BTRC: variants seen among roughly 807,000 people sequenced by gnomAD.
BTRC encodes the protein F-box/WD repeat-containing protein 1A.
Under a neutral mutation model 85.5 loss-of-function variants are expected in BTRC, and 42 were observed. The observed-to-expected ratio is 0.49, with a 90% CI of 0.38 to 0.64. The LOEUF (loss-of-function observed/expected upper bound fraction) is 0.64, where lower values mean the gene tolerates loss of function less well. BTRC is among the 30% of genes least tolerant of loss of function. The probability of loss-of-function intolerance (pLI) is 0.00; values close to 1 mark genes in which losing one functional copy is unlikely to be tolerated. For synonymous variants in BTRC, 255 were observed against 263.3 expected (o/e 0.97, Z 0.30); for missense variants, 594 against 743.5 (o/e 0.80, Z 2.34).
chr10:101,537,495 T>A (rs1800571903), intron 12 of BTRC, among the ~76,000 whole-genome samples: 1 of 151,922 alleles, frequency 6.6e-6, no homozygotes. Flanking sequence ...GCCACCACAC[T>A]CCAGCCTGGG....
At chr10:101,508,071 A>G (rs944022605) in intron 4 of BTRC, among the ~76,000 whole-genome samples, 2 of 152,230 alleles carry the variant, frequency 1.3e-5, no homozygotes, top group African/African-American at 2.4e-5. Context: ...TTTGAAACCT[A>G]AAAATGTTAA....
At chr10:101,535,012 T>C in intron 10 of BTRC, 102 bp downstream of exon 10, 1 of 1,356,806 alleles carries the variant, frequency 7.4e-7, no homozygotes, top group Non-Finnish European at 1.0e-6. Flanking sequence ...TACAGAAAAA[T>C]GTAATATTTA....
intron 1 of BTRC, among the ~76,000 whole-genome samples, chr10:101,377,465 G>T (rs1942820177): frequency 6.6e-6 from 1 of 152,184 alleles, no homozygotes; most frequent in South Asian, 2.1e-4. Context: ...CTATTTTCCA[G>T]AGTGATTGTA....
chr10:101,472,045 T>C (rs1321759108), intron 3 of BTRC, among the ~76,000 whole-genome samples: 1 of 152,230 alleles, frequency 6.6e-6, no homozygotes, highest in East Asian at 1.9e-4. Flanking sequence ...CATATTTCCA[T>C]GAATGTATGA....
At chr10:101,551,884 C>T (rs7084859) in intron 14 of BTRC, among the ~76,000 whole-genome samples, 1,961 of 152,224 alleles carry the variant, frequency 0.013, 33 homozygotes, top group African/African-American at 0.041. Context: ...GCACTCACCT[C>T]ACGGAACCCT....
At chr10:101,383,798 TACTG>T (rs1456756088) in intron 1 of BTRC, among the ~76,000 whole-genome samples, 1 of 152,238 alleles carries the variant, frequency 6.6e-6, no homozygotes, top group Non-Finnish European at 1.5e-5. Flanking sequence ...TTGGCTAAAT[TACTG>T]AATAGGATCT....
intron 4 of BTRC, among the ~76,000 whole-genome samples, chr10:101,487,254 T>C (rs1050591892): frequency 2.0e-5 from 3 of 152,242 alleles, no homozygotes; most frequent in Non-Finnish European, 4.4e-5. Flanking sequence ...TCAATGTTTA[T>C]TAAATGTTAC....
chr10:101,522,392 T>C (rs1429646372), intron 5 of BTRC, among the ~76,000 whole-genome samples: 36 of 76,988 alleles, frequency 4.7e-4, no homozygotes, highest in Non-Finnish European at 8.9e-4. Context: ...AAAAAAAAAC[T>C]CTAGAAATAA....
chr10:101,386,784 G>A (rs747476984), intron 1 of BTRC, among the ~76,000 whole-genome samples: 4 of 152,140 alleles, frequency 2.6e-5, no homozygotes, highest in East Asian at 1.9e-4. Context: ...TTCTTCTACT[G>A]ATAGGTGAAT....
At chr10:101,470,708 CT>C (rs1945502307) in intron 3 of BTRC, among the ~76,000 whole-genome samples, 1 of 152,128 alleles carries the variant, frequency 6.6e-6, no homozygotes, top group Admixed American at 6.6e-5. Flanking sequence ...TGAAGATATT[CT>C]TCTAAGTTTT....
At chr10:101,506,417 A>G (rs1946543274) in intron 4 of BTRC, among the ~76,000 whole-genome samples, 1 of 152,078 alleles carries the variant, frequency 6.6e-6, no homozygotes, top group Non-Finnish European at 1.5e-5. Context: ...GTTTTTTTGT[A>G]ATATTTCAAT....
chr10:101,530,926 C>G (rs1016481865), intron 6 of BTRC, among the ~76,000 whole-genome samples: 4 of 152,180 alleles, frequency 2.6e-5, no homozygotes, highest in Non-Finnish European at 5.9e-5. Flanking sequence ...GTAATCCCAG[C>G]ACTTTGGGAG....
At chr10:101,522,054 A>G (rs1376787697) in intron 5 of BTRC, among the ~76,000 whole-genome samples, 184 bp downstream of exon 5, 1 of 45,584 alleles carries the variant, frequency 2.2e-5, no homozygotes, top group Non-Finnish European at 3.5e-5. Flanking sequence ...TTTTTTTGAG[A>G]TGGAGTCTTG....
chr10:101,485,633 G>T (rs1564801418), intron 4 of BTRC, among the ~76,000 whole-genome samples: 1 of 151,882 alleles, frequency 6.6e-6, no homozygotes, highest in Admixed American at 6.6e-5. Flanking sequence ...TCTATGAACC[G>T]TTTTTTTTGT....
At chr10:101,475,918 T>G (rs1260360372) in intron 3 of BTRC, among the ~76,000 whole-genome samples, 3 of 120,498 alleles carry the variant, frequency 2.5e-5, no homozygotes, top group Non-Finnish European at 5.0e-5. Flanking sequence ...TCCAAGTATT[T>G]TGCCATATAT....
At chr10:101,519,147 C>T (rs1297873183) in intron 4 of BTRC, among the ~76,000 whole-genome samples, 2 of 144,166 alleles carry the variant, frequency 1.4e-5, no homozygotes, top group Non-Finnish European at 1.5e-5. Flanking sequence ...GGCGTGATCT[C>T]TCCTCACTGC....
At chr10:101,393,712 AAC>A (rs769575698) in intron 1 of BTRC, among the ~76,000 whole-genome samples, 1 of 151,082 alleles carries the variant, frequency 6.6e-6, no homozygotes, top group Non-Finnish European at 1.5e-5. Flanking sequence ...GTAGTGGAAA[AAC>A]ACGAGGTTGG....
intron 9 of BTRC, among the ~76,000 whole-genome samples, chr10:101,533,352 C>G (rs2062329800): frequency 6.6e-6 from 1 of 152,198 alleles, no homozygotes; most frequent in Non-Finnish European, 1.5e-5. Context: ...ACTTTGCATT[C>G]CTTACAAAAA....
At chr10:101,365,422 G>C (rs571193815) in intron 1 of BTRC, among the ~76,000 whole-genome samples, 1 of 150,240 alleles carries the variant, frequency 6.7e-6, no homozygotes, top group East Asian at 2.0e-4. Context: ...TGTCACCCAG[G>C]CTGGGTGATA....
Sources: allele counts gnomAD v4.1 joint callset (sites outside exome capture counted in the v4.1 genomes callset), GRCh38; gene constraint gnomAD v4.1.1; transcripts MANE v1.5; gene names NCBI Gene and HGNC (gene_info 2026-07-23, HGNC 2026-07-21).